Variants in FOXP2 observed in about 807,000 individuals in gnomAD.
FOXP2 encodes forkhead box P2.
FOXP2 carries 12 observed loss-of-function variants against 115.8 expected under a neutral mutation model. That is an observed-to-expected ratio of 0.10 (90% CI 0.07 to 0.17). The LOEUF (loss-of-function observed/expected upper bound fraction) is 0.17, where lower values mean the gene tolerates loss of function less well. Ranked by LOEUF, FOXP2 falls within the 10% of genes least tolerant of loss-of-function variation. The pLI, the probability that FOXP2 is intolerant of heterozygous loss-of-function variation, is 1.00. For missense variants in FOXP2, 629 were observed against 843.5 expected (o/e 0.75, Z 3.15); for synonymous variants, 328 against 297.7 (o/e 1.10, Z -1.05).
intron 13 of FOXP2, among the ~76,000 whole-genome samples, chr7:114,660,488 G>A (rs1806805510): frequency 6.6e-6 from 1 of 152,144 alleles, no homozygotes; most frequent in African/African-American, 2.4e-5. Flanking sequence ...TTTAGACTGT[G>A]AGATATGCTA....
rs569769820 is a variant in FOXP2 at position 114,459,598 on chromosome 7, G to T, written c.168+32919G>T. Among the ~76,000 whole-genome samples, 13 of 152,054 alleles carry T rather than the reference G, an allele frequency of 8.5e-5. No homozygotes were observed. The South Asian group carries it at 1.7e-3, about 19-fold the overall frequency. On this transcript the variant is annotated intron_variant, in intron 2 of 16. Coordinates refer to ENST00000350908, the MANE Select transcript of FOXP2 (RefSeq NM_014491.4). ...TGTTGTTGTTGTTATTGTTTCTTTGGTTTTTTGTTTGTTTTTGTTTGTTTG... is the reference window on the plus strand; with the variant it reads ...TGTTGTTGTTGTTATTGTTTCTTTGTTTTTTTGTTTGTTTTTGTTTGTTTG...
At chr7:114,110,201 A>C (rs1272076434) in intron 1 of FOXP2, among the ~76,000 whole-genome samples, 1 of 152,154 alleles carries the variant, frequency 6.6e-6, no homozygotes, top group Admixed American at 6.6e-5. Flanking sequence ...CGTAGTCCAG[A>C]GGGACCCACC....
intron 3 of FOXP2, among the ~76,000 whole-genome samples, chr7:114,612,137 C>T (rs1010150747): frequency 6.6e-6 from 1 of 151,672 alleles, no homozygotes; most frequent in African/African-American, 2.4e-5. Context: ...TTTCACATGA[C>T]GAAAATGGAA....
chr7:114,516,080 A>C (rs900084785), intron 2 of FOXP2, among the ~76,000 whole-genome samples: 26 of 152,284 alleles, frequency 1.7e-4, no homozygotes, highest in African/African-American at 6.3e-4. Flanking sequence ...ATATGAAACC[A>C]AAAAAGAGCC....
chr7:114,586,297 G>A (rs1208494508), intron 3 of FOXP2, among the ~76,000 whole-genome samples: 1 of 151,940 alleles, frequency 6.6e-6, no homozygotes, highest in Non-Finnish European at 1.5e-5. Flanking sequence ...GTCTCTGATG[G>A]GTCTTGTCAA....
At chr7:114,318,177 A>T (rs1797318791) in intron 2 of FOXP2, among the ~76,000 whole-genome samples, 1 of 152,068 alleles carries the variant, frequency 6.6e-6, no homozygotes, top group African/African-American at 2.4e-5. Flanking sequence ...TTGCTCACTG[A>T]AATGTGGACT....
chr7:114,644,780 A>T lies in FOXP2; in HGVS notation c.1085A>T (p.Gln362Leu). The T allele has an allele frequency of 6.2e-7, 1 of 1,611,250 alleles. No individual in the cohort carries two copies. The highest frequency in any genetic ancestry group is 8.5e-7 in the Non-Finnish European group (1 of 1,178,106). Reference protein sequence around the residue: ...GCESICEDFGQFLKHLNNEHA... With the variant: ...GCESICEDFGLFLKHLNNEHA... ...GAAAGCATTTGTGAAGATTTTGGAC[A>T]GTTTTTAAAGTAGGTTTTTTACTTT... is the stretch of plus-strand genomic sequence containing the variant. Residue 362 changes from glutamine to leucine, a missense_variant, in exon 8 of 17, where the codon CAG becomes CTG. Gln to Leu is a moderately radical substitution (Grantham distance 113). Coordinates refer to ENST00000350908, the MANE Select transcript of FOXP2 (RefSeq NM_014491.4).
At chr7:114,098,403 A>G (rs990964587) in intron 1 of FOXP2, among the ~76,000 whole-genome samples, 1 of 152,218 alleles carries the variant, frequency 6.6e-6, no homozygotes, top group African/African-American at 2.4e-5. Flanking sequence ...GGAACAGAAT[A>G]GAGAGCCTGG....
intron 1 of FOXP2, among the ~76,000 whole-genome samples, chr7:114,089,409 C>T (rs1799497277): frequency 6.6e-6 from 1 of 151,858 alleles, no homozygotes; most frequent in Admixed American, 6.6e-5. Context: ...GTTACCACTA[C>T]CGTGTATATT....
intron 2 of FOXP2, among the ~76,000 whole-genome samples, chr7:114,530,741 AC>A (rs1372339014): frequency 1.3e-5 from 2 of 151,894 alleles, no homozygotes; most frequent in South Asian, 2.1e-4. Context: ...GAGGTTCATA[AC>A]TAGCATAAAA....
Position 114,227,696 on chromosome 7 carries a change from G to T in FOXP2, c.-101-60323G>T, listed in dbSNP as rs1033770068. ...TTATTTTCTACCCTATTTCAAAAAAGATTTGAGGTAGTATACACCTTATTT... is the reference window on the plus strand; with the variant it reads ...TTATTTTCTACCCTATTTCAAAAAATATTTGAGGTAGTATACACCTTATTT... On this transcript the variant is annotated intron_variant, in intron 1 of 17. Transcript: ENST00000634411. Among the ~76,000 whole-genome samples, 5 of 151,868 alleles carry T rather than the reference G, an allele frequency of 3.3e-5. No homozygotes were observed. The East Asian group carries it at 7.7e-4, about 23-fold the overall frequency.
chr7:114,499,696 GTTTTTTACTTTT>G lies in FOXP2; in HGVS notation c.169-34919_169-34908del, dbSNP rs1259502465. The G allele has an allele frequency of 2.2e-4, 33 of 151,980 alleles. No individual in the cohort carries two copies. In the South Asian group the frequency reaches 5.8e-3, roughly 27 times the overall value. The allele number at this position is 151,980 out of a possible 1,614,324, so 9.4% of individuals were successfully genotyped here. A position where few individuals can be genotyped will look rare whatever the true frequency, so the allele number is the denominator to read the frequency against. ...CCTGATTCTAAAACTTTTTCTCTTG[GTTTTTTACTTTT>G]TAAATAAAAACACATTTAACTTACC... is the stretch of plus-strand genomic sequence containing the variant. On this transcript the variant is annotated intron_variant, in intron 2 of 16. Coordinates refer to ENST00000350908, the MANE Select transcript of FOXP2 (RefSeq NM_014491.4).
intron 2 of FOXP2, among the ~76,000 whole-genome samples, chr7:114,326,474 T>C (rs1362325048): frequency 6.6e-6 from 1 of 152,140 alleles, no homozygotes; most frequent in African/African-American, 2.4e-5. Flanking sequence ...AAGTACATGA[T>C]TAGGAATGTA....
intron 2 of FOXP2, among the ~76,000 whole-genome samples, chr7:114,510,908 A>G (rs1436330156): frequency 6.6e-6 from 1 of 152,224 alleles, no homozygotes; most frequent in Non-Finnish European, 1.5e-5. Context: ...ATGCACACGT[A>G]TGTTTATTGT....
intron 1 of FOXP2, among the ~76,000 whole-genome samples, chr7:114,276,048 A>T (rs796983881): frequency 1.8e-4 from 28 of 152,292 alleles, no homozygotes; most frequent in African/African-American, 6.7e-4. Flanking sequence ...CAGATCAATT[A>T]GTTTTTGATA....
At chr7:114,664,756 G>T in intron 16 of FOXP2, 1 of 340,512 alleles carries the variant, frequency 2.9e-6, no homozygotes, top group Non-Finnish European at 5.6e-6. Flanking sequence ...TGGTTTGTAT[G>T]GTGCAATAAG....
intron 1 of FOXP2, among the ~76,000 whole-genome samples, chr7:114,220,102 C>A (rs1359067359): frequency 2.0e-5 from 3 of 151,294 alleles, no homozygotes. Flanking sequence ...ATGTCCTGAC[C>A]TTGTGATCCG....
intron 2 of FOXP2, among the ~76,000 whole-genome samples, chr7:114,528,819 C>A (rs943522818): frequency 6.7e-6 from 1 of 150,220 alleles, no homozygotes; most frequent in Non-Finnish European, 1.5e-5. Context: ...AAAAGTAAAT[C>A]TAAAATCTAT....
chr7:114,409,771 C>T (rs957203054), upstream of FOXP2, among the ~76,000 whole-genome samples: 4 of 152,034 alleles, frequency 2.6e-5, no homozygotes, highest in African/African-American at 4.8e-5. Flanking sequence ...ATTATATAAA[C>T]TGGTCTAAAT....
Sources: allele counts gnomAD v4.1 joint callset (sites outside exome capture counted in the v4.1 genomes callset), GRCh38; gene constraint gnomAD v4.1.1; transcripts MANE v1.5; gene names NCBI Gene and HGNC (gene_info 2026-07-23, HGNC 2026-07-21).